The following PCDH11X variants were observed in gnomAD, a reference collection of about 807,000 sequenced individuals.
PCDH11X encodes protocadherin 11 X-linked.
In PCDH11X, 18 loss-of-function variants were observed where a neutral mutation model predicts 53.3. The observed-to-expected ratio is 0.34, with a 90% CI of 0.23 to 0.50. The LOEUF is 0.50. Among genes scored for constraint, PCDH11X ranks in the 20% least tolerant of loss-of-function variants. The pLI, the probability that PCDH11X is intolerant of heterozygous loss-of-function variation, is 0.98. For synonymous variants in PCDH11X, 279 were observed against 393.3 expected (o/e 0.71, Z 3.44); for missense variants, 570 against 1,032.4 (o/e 0.55, Z 6.14).
chrX:92,607,766 C>T (rs750996247), intron 10 of PCDH11X, among the ~76,000 whole-genome samples: 6 of 111,186 alleles, frequency 5.4e-5, no homozygotes, highest in African/African-American at 1.3e-4. Context: ...TTCAGGCTGC[C>T]GGATAAATTG....
intron 4 of PCDH11X, among the ~76,000 whole-genome samples, chrX:91,817,249 A>T (rs1936484239): frequency 9.9e-6 from 1 of 100,735 alleles, no homozygotes; most frequent in Non-Finnish European, 2.0e-5. Flanking sequence ...GAGGATCTGG[A>T]ACAGTGTGAT....
chrX:92,389,355 C>T (rs1256735345), intron 9 of PCDH11X, among the ~76,000 whole-genome samples: 30 of 111,715 alleles, frequency 2.7e-4, no homozygotes, highest in African/African-American at 9.1e-4. Flanking sequence ...AACAAATACA[C>T]ATTAAGCAAG....
At chrX:92,075,511 C>T (rs1236216974) in intron 6 of PCDH11X, among the ~76,000 whole-genome samples, 2 of 111,661 alleles carry the variant, frequency 1.8e-5, no homozygotes, top group African/African-American at 6.5e-5. Flanking sequence ...TCATATTCAC[C>T]TCTGTGGCAT....
chrX:92,592,310 A>T (rs1274249232), intron 10 of PCDH11X, among the ~76,000 whole-genome samples: 1 of 97,837 alleles, frequency 1.0e-5, no homozygotes, highest in Admixed American at 1.2e-4. Context: ...TATCTGAACT[A>T]CCTTTGGGGA....
At chrX:92,435,936 C>T (rs1466802333) in intron 9 of PCDH11X, among the ~76,000 whole-genome samples, 4 of 108,920 alleles carry the variant, frequency 3.7e-5, no homozygotes, top group African/African-American at 1.3e-4. Flanking sequence ...GCACACATAT[C>T]AATACCAACA....
At chrX:92,195,255 C>T (rs1163483743) in intron 6 of PCDH11X, among the ~76,000 whole-genome samples, 1 of 110,293 alleles carries the variant, frequency 9.1e-6, no homozygotes, top group African/African-American at 3.3e-5. Context: ...ATAACATTCC[C>T]CCTTCCCTAA....
chrX:92,017,177 A>C (rs2062808908), intron 6 of PCDH11X, among the ~76,000 whole-genome samples: 1 of 106,976 alleles, frequency 9.3e-6, no homozygotes, highest in Non-Finnish European at 1.9e-5. Flanking sequence ...TATAGCCAAA[A>C]ATAATTAAAT....
At chrX:92,032,101 T>C (rs2063059963) in intron 6 of PCDH11X, among the ~76,000 whole-genome samples, 2 of 112,030 alleles carry the variant, frequency 1.8e-5, no homozygotes, top group Non-Finnish European at 1.9e-5. Flanking sequence ...CAATATTCAT[T>C]CTTCCAATTC....
chrX:92,065,944 CTT>C (rs2148070979), intron 6 of PCDH11X, among the ~76,000 whole-genome samples: 1 of 111,873 alleles, frequency 8.9e-6, no homozygotes, highest in South Asian at 3.7e-4. Context: ...AAAACAATGT[CTT>C]AGAGAGTTTC....
At chrX:92,286,174 T>A (rs1430855276) in intron 8 of PCDH11X, among the ~76,000 whole-genome samples, 1 of 107,500 alleles carries the variant, frequency 9.3e-6, no homozygotes, top group African/African-American at 3.4e-5. Flanking sequence ...ATGGCCAGAT[T>A]TGGGGGCTTG....
chrX:92,116,328 G>A (rs1411585200), intron 6 of PCDH11X, among the ~76,000 whole-genome samples: 23 of 111,424 alleles, frequency 2.1e-4, no homozygotes, highest in Admixed American at 7.6e-4. Flanking sequence ...ATTTACTCAT[G>A]GTGGCACATT....
chrX:92,473,458 T>A (rs2073311334), intron 10 of PCDH11X, among the ~76,000 whole-genome samples: 1 of 112,010 alleles, frequency 8.9e-6, no homozygotes, highest in Admixed American at 9.5e-5. Flanking sequence ...TTGATTTATC[T>A]TCTATTATTA....
intron 9 of PCDH11X, among the ~76,000 whole-genome samples, chrX:92,412,102 A>C (rs868335919): frequency 2.1e-5 from 2 of 94,766 alleles, no homozygotes; most frequent in Non-Finnish European, 4.2e-5. Flanking sequence ...GAAGAAGAAG[A>C]AGCAACAGCA....
chrX:92,153,337 TACACAC>T (rs60031124), intron 6 of PCDH11X, among the ~76,000 whole-genome samples: 6 of 104,361 alleles, frequency 5.7e-5, no homozygotes, highest in Admixed American at 1.1e-4. Context: ...TAAATAAATA[TACACAC>T]ACACACACAC....
At chrX:92,592,167 C>A (rs1403450716) in intron 10 of PCDH11X, among the ~76,000 whole-genome samples, 1 of 86,535 alleles carries the variant, frequency 1.2e-5, no homozygotes, top group African/African-American at 4.3e-5. Flanking sequence ...TAACTCTTTA[C>A]CCTCTCCAAT....
At chrX:92,134,640 A>G (rs1181032058) in intron 6 of PCDH11X, among the ~76,000 whole-genome samples, 1 of 111,199 alleles carries the variant, frequency 9.0e-6, no homozygotes, top group Non-Finnish European at 1.9e-5. Flanking sequence ...GAGTAAAGGA[A>G]TACAAAAATG....
At chrX:91,964,519 C>A (rs111982737) in intron 6 of PCDH11X, among the ~76,000 whole-genome samples, 1,636 of 111,953 alleles carry the variant, frequency 0.015, 41 homozygotes, top group African/African-American at 0.052. Flanking sequence ...AATATCATTT[C>A]TTATTTGAAA....
In PCDH11X at chrX:92,618,668, A is replaced by G; in HGVS notation, c.3772A>G (p.Ser1258Gly). The G allele has an allele frequency of 8.3e-7, 1 of 1,212,070 alleles. No homozygotes were observed. Among genetic ancestry groups the G allele is most frequent in the Non-Finnish European group, 1.1e-6 (1 of 895,501 alleles). Residue 1258 changes from serine to glycine, a missense_variant, in exon 11 of 11, where the codon AGC becomes GGC. Ser to Gly is a moderately conservative substitution (Grantham distance 56, BLOSUM62 0). Around this residue, in one of 6 missense-constraint regions of PCDH11X, gnomAD observed 234 missense variants for 296.1 expected, o/e 0.79. Coordinates refer to ENST00000682573, the MANE Select transcript of PCDH11X (RefSeq NM_032968.5). ...PLAQAAAISH[S>G]SPLPQVIALH... ...AGCACAGGCTGCTGCAATCAGCCAC[A>G]GCTCTCCTCTGCCACAGGTTATTGC...
At chrX:92,243,312 A>T (rs113206099) in intron 7 of PCDH11X, among the ~76,000 whole-genome samples, 8,420 of 111,543 alleles carry the variant, frequency 0.075, 656 homozygotes, top group African/African-American at 0.24. Flanking sequence ...AAGGTACATT[A>T]TTTTATTTAT....
Sources: gnomAD v4.1 joint callset for allele counts (sites outside exome capture counted in the v4.1 genomes callset) on GRCh38, gnomAD v4.1.1 for gene constraint, gnomAD v4.1.1 regional missense constraint, MANE v1.5 for transcripts, NCBI Gene and HGNC (gene_info 2026-07-23, HGNC 2026-07-21) for gene names.